Variants in DLC1 observed in about 807,000 individuals in gnomAD.
DLC1 encodes the protein DLC1 Rho GTPase activating protein.
DLC1 carries 54 observed loss-of-function variants against 140.3 expected under a neutral mutation model. The observed-to-expected ratio is 0.38, with a 90% CI of 0.31 to 0.48. The LOEUF (loss-of-function observed/expected upper bound fraction) is 0.48, where lower values mean the gene tolerates loss of function less well. DLC1 is among the 20% of genes least tolerant of loss of function. The pLI is 0.96. For synonymous variants in DLC1, 986 were observed against 728.1 expected (o/e 1.35, Z -5.70); for missense variants, 2,536 against 1,907.0 (o/e 1.33, Z -6.14).
intron 4 of DLC1, among the ~76,000 whole-genome samples, chr8:13,355,138 C>G (rs1834870741): frequency 6.6e-6 from 1 of 151,222 alleles, no homozygotes; most frequent in Non-Finnish European, 1.5e-5. Flanking sequence ...TTCAAATAGT[C>G]TAAATATTAC....
chr8:13,545,382 A>G (rs376304952), intron 1 of DLC1, among the ~76,000 whole-genome samples: 2 of 151,834 alleles, frequency 1.3e-5, no homozygotes, highest in South Asian at 2.1e-4. Context: ...CTCCAGCTGC[A>G]TAAATGTCAG....
intron 5 of DLC1, among the ~76,000 whole-genome samples, chr8:13,166,406 T>A (rs1271687160): frequency 6.6e-6 from 1 of 152,198 alleles, no homozygotes; most frequent in Non-Finnish European, 1.5e-5. Flanking sequence ...AGCAGCATAA[T>A]CTCAGCTCAT....
At chr8:13,398,605 CAAA>C (rs55898759) in intron 3 of DLC1, among the ~76,000 whole-genome samples, 1 of 113,112 alleles carries the variant, frequency 8.8e-6, no homozygotes, top group Admixed American at 9.9e-5. Flanking sequence ...CCATCTCTAC[CAAA>C]AAAAAAAAAA....
intron 5 of DLC1, among the ~76,000 whole-genome samples, chr8:13,198,061 G>A (rs1827167765): frequency 6.6e-6 from 1 of 151,474 alleles, no homozygotes; most frequent in Non-Finnish European, 1.5e-5. Flanking sequence ...GCTCAGTCCC[G>A]GCAACAGAAT....
chr8:13,090,546 T>C, intron 14 of DLC1, 76 bp from the exon 15 acceptor site: 1 of 1,540,800 alleles, frequency 6.5e-7, no homozygotes, highest in Non-Finnish European at 8.8e-7. Context: ...TGGAAAAGAC[T>C]GGGTAGGAAC....
intron 5 of DLC1, among the ~76,000 whole-genome samples, chr8:13,168,050 C>G (rs112880187): frequency 5.8e-4 from 88 of 152,186 alleles, no homozygotes; most frequent in African/African-American, 1.7e-3. Context: ...TATAAAGAAT[C>G]AGGCTAGATG....
intron 1 of DLC1, among the ~76,000 whole-genome samples, chr8:13,532,892 G>C (rs889564179): frequency 1.3e-5 from 2 of 152,182 alleles, no homozygotes; most frequent in Admixed American, 6.5e-5. Context: ...TTAACCCCAA[G>C]TATTCCAATG....
chr8:13,368,784 A>T (rs894962930), intron 4 of DLC1, among the ~76,000 whole-genome samples: 1 of 152,068 alleles, frequency 6.6e-6, no homozygotes, highest in Non-Finnish European at 1.5e-5. Context: ...AGTGATATGG[A>T]TGTTAGTGAT....
intron 5 of DLC1, among the ~76,000 whole-genome samples, chr8:13,278,826 C>A (rs1478392793): frequency 6.6e-6 from 1 of 152,116 alleles, no homozygotes; most frequent in Non-Finnish European, 1.5e-5. Flanking sequence ...ATGATAAAGT[C>A]GTCTAGTGTT....
chr8:13,552,205 A>G (rs1248478555), intron 1 of DLC1, among the ~76,000 whole-genome samples: 2 of 143,850 alleles, frequency 1.4e-5, no homozygotes, highest in Admixed American at 7.0e-5. Context: ...CTAGAGGTGT[A>G]TATATATACC....
chr8:13,187,342 A>T (rs1826441413), intron 5 of DLC1, among the ~76,000 whole-genome samples: 1 of 152,168 alleles, frequency 6.6e-6, no homozygotes, highest in Non-Finnish European at 1.5e-5. Context: ...GGTGCTCAAT[A>T]GATATTTGTT....
At position 13,415,405 on chromosome 8, in the gene DLC1, T is replaced by C. The variant is rs867426443; in HGVS notation, c.1024-13786A>G. Among the ~76,000 whole-genome samples, 846 of 151,482 alleles carry C rather than the reference T, an allele frequency of 5.6e-3. 10 individuals are homozygous for C. Among genetic ancestry groups the C allele is most frequent in the African/African-American group, 0.019 (802 of 41,308 alleles). ...TTAAACAGGGTAAAATATTTAATTT[T>C]TTTTTTTTTTTTGAGACAGAATCTT... On this transcript the variant is annotated intron_variant, in intron 2 of 17. Transcript: ENST00000276297.
Position 13,193,393 on chromosome 8 carries a change from A to G in DLC1, c.1349-77736T>C, listed in dbSNP as rs182443486. ...TAGGGCTATGTATGATAAGACCAAA[A>G]AAGTCTTAAAAATGTTATTTCTAAA... On this transcript the variant is annotated intron_variant, in intron 5 of 17. Transcript: ENST00000276297. Among the ~76,000 whole-genome samples the G allele has an allele frequency of 1.3e-3, 204 of 152,260 alleles. 1 individual carries two copies. The highest frequency in any genetic ancestry group is 0.013 in the Admixed American group (203 of 15,290).
rs1032454664 is a variant in DLC1 at position 13,218,624 on chromosome 8, C to A, written c.1348+86645G>T. Among the ~76,000 whole-genome samples, 3 of 151,528 alleles carry A rather than the reference C, an allele frequency of 2.0e-5. No individual in the cohort carries two copies. In the East Asian group the frequency reaches 5.8e-4, roughly 30 times the overall value. The stretch of plus-strand genomic sequence containing the variant: ...TATCATAATTTGAGAAAAGGAAAAT[C>A]ACAAGTATTGGTGAGGAGGTAGAGA... On this transcript the variant is annotated intron_variant, in intron 5 of 17. Coordinates refer to ENST00000276297, the MANE Select transcript of DLC1 (RefSeq NM_182643.3).
At chr8:13,354,043 T>TG (rs1358032623) in intron 4 of DLC1, among the ~76,000 whole-genome samples, 2 of 138 alleles carry the variant, frequency 0.014, no homozygotes, top group African/African-American at 0.01. Context: ...CATACTGAAC[T>TG]TTTTTTTTTT....
At position 13,511,784 on chromosome 8, in the gene DLC1, A is replaced by G. The variant is rs116307613; in HGVS notation, c.-126+2818T>C. ...CTGATCTAGATCTTGGTCATTTGGA[A>G]CTTTGCCATACTGTAATAGTTTTTA... On this transcript the variant is annotated intron_variant, in intron 1 of 17. Transcript: ENST00000276297. Among the ~76,000 whole-genome samples, 562 of 152,182 alleles carry G rather than the reference A, an allele frequency of 3.7e-3. 2 individuals are homozygous for G. The highest frequency in any genetic ancestry group is 0.013 in the African/African-American group (549 of 41,556).
At chr8:13,485,831 C>T (rs17093957) in intron 2 of DLC1, among the ~76,000 whole-genome samples, 1 of 152,034 alleles carries the variant, frequency 6.6e-6, no homozygotes. Flanking sequence ...AGGAAAGGCT[C>T]ATGCACAACT....
chr8:13,193,647 G>A (rs1329505888), intron 5 of DLC1, among the ~76,000 whole-genome samples: 1 of 152,158 alleles, frequency 6.6e-6, no homozygotes, highest in African/African-American at 2.4e-5. Flanking sequence ...GAAGTTCATA[G>A]GAATATCTTC....
chr8:13,416,705 T>C (rs572409433), intron 2 of DLC1, among the ~76,000 whole-genome samples: 25 of 152,328 alleles, frequency 1.6e-4, no homozygotes, highest in African/African-American at 6.0e-4. Flanking sequence ...TCTTATACTT[T>C]GTATATTCTA....
Sources: gnomAD v4.1 joint callset for allele counts (sites outside exome capture counted in the v4.1 genomes callset) on GRCh38, gnomAD v4.1.1 for gene constraint, MANE v1.5 for transcripts, NCBI Gene and HGNC (gene_info 2026-07-23, HGNC 2026-07-21) for gene names.